The following GPR158 variants were observed in gnomAD, a reference collection of about 807,000 sequenced individuals.
The protein encoded by GPR158 is metabotropic glycine receptor.
Under a neutral mutation model 78.2 loss-of-function variants are expected in GPR158, and 30 were observed. The ratio of observed to expected loss-of-function variants is 0.38; its 90% CI spans 0.29 to 0.52. The LOEUF (loss-of-function observed/expected upper bound fraction) is 0.52. Among genes scored for constraint, GPR158 ranks in the 20% least tolerant of loss-of-function variants. GPR158 has a pLI of 0.83. For missense variants in GPR158, 1,463 were observed against 1,523.5 expected (o/e 0.96, Z 0.66); for synonymous variants, 581 against 591.1 (o/e 0.98, Z 0.25).
chr10:25,290,618 T>C (rs531773765), intron 2 of GPR158, among the ~76,000 whole-genome samples: 2 of 152,294 alleles, frequency 1.3e-5, no homozygotes, highest in Admixed American at 1.3e-4. Flanking sequence ...TAGGCCTTTG[T>C]CATTAGCAAT....
At chr10:25,463,398 G>A (rs1248829653) in intron 4 of GPR158, among the ~76,000 whole-genome samples, 1 of 35,224 alleles carries the variant, frequency 2.8e-5, no homozygotes, top group Non-Finnish European at 6.2e-5. Flanking sequence ...GGTTTGTCTG[G>A]ATGGATGGAT....
chr10:25,387,607 C>G (rs1834240176), intron 2 of GPR158, among the ~76,000 whole-genome samples: 1 of 151,622 alleles, frequency 6.6e-6, no homozygotes, highest in African/African-American at 2.4e-5. Context: ...CCTCCGCCTC[C>G]TGGGTTCAAG....
chr10:25,438,172 G>A (rs548923425), intron 4 of GPR158, among the ~76,000 whole-genome samples: 5 of 152,282 alleles, frequency 3.3e-5, no homozygotes, highest in East Asian at 3.9e-4. Context: ...TTGGAATAAC[G>A]TCACTTACTA....
At chr10:25,372,989 CACAT>C (rs1834021684) in intron 2 of GPR158, among the ~76,000 whole-genome samples, 1 of 151,862 alleles carries the variant, frequency 6.6e-6, no homozygotes, top group African/African-American at 2.4e-5. Flanking sequence ...GTCATAAAAA[CACAT>C]GCATGCCTAT....
intron 4 of GPR158, among the ~76,000 whole-genome samples, chr10:25,438,269 A>C (rs547496021): frequency 6.6e-6 from 1 of 152,338 alleles, no homozygotes; most frequent in African/African-American, 2.4e-5. Flanking sequence ...GATGAAGTTC[A>C]AGTGCACTTA....
chr10:25,551,057 T>C lies in GPR158; in HGVS notation c.1486T>C (p.Tyr496His). 6.3e-7 allele frequency: 1 copy of C among 1,597,842 alleles called. No homozygotes were observed. The highest frequency in any genetic ancestry group is 8.6e-7 in the Non-Finnish European group (1 of 1,165,184). Residue 496 changes from tyrosine to histidine, a missense_variant, in exon 6 of 11, where the codon TAC becomes CAC. Physicochemically the swap from Tyr to His is moderately conservative, Grantham distance 83. Transcript: ENST00000376351. ...TCGTCTTCTCGGTTTTGCTACTGTT[T>C]ACGGAACTGTCACTCTCAAACTTCA... is the stretch of plus-strand genomic sequence containing the variant. ...WARLLGFATV[Y>H]GTVTLKLHRV...
Position 25,600,953 on chromosome 10 carries a change from C to T in GPR158, c.*1679C>T, listed in dbSNP as rs569767423. 8 of 152,268 alleles carry T rather than the reference C, an allele frequency of 5.3e-5. No homozygotes were observed. In the East Asian group the frequency reaches 1.5e-3, roughly 29 times the overall value. 9.4% of individuals were successfully genotyped at this position (152,268 alleles called of 1,614,324 possible). On this transcript the variant is annotated 3_prime_UTR_variant, in exon 11 of 11. Transcript: ENST00000376351. ...AAAGAAGAATCACTCAGAAATAGAA[C>T]CGAGACTTCCCTTTTTCTCCCTGTA... is the stretch of plus-strand genomic sequence containing the variant.
At chr10:25,422,056 G>A (rs1003184448) in intron 4 of GPR158, among the ~76,000 whole-genome samples, 1 of 152,110 alleles carries the variant, frequency 6.6e-6, no homozygotes, top group East Asian at 1.9e-4. Context: ...CAAGTCGTTT[G>A]TTCAGTAAAT....
intron 2 of GPR158, among the ~76,000 whole-genome samples, chr10:25,252,372 TGGA>T (rs1853817304): frequency 6.6e-6 from 1 of 152,350 alleles, no homozygotes; most frequent in African/African-American, 2.4e-5. Context: ...TGCGTTCCTT[TGGA>T]GGAGGAGAGG....
chr10:25,302,319 C>T (rs1416580507), intron 2 of GPR158, among the ~76,000 whole-genome samples: 6 of 151,376 alleles, frequency 4.0e-5, no homozygotes, highest in Non-Finnish European at 7.4e-5. Flanking sequence ...CTCCTGACTT[C>T]ACAATCCGCC....
intron 5 of GPR158, among the ~76,000 whole-genome samples, chr10:25,542,233 C>A (rs1485983371): frequency 6.6e-6 from 1 of 152,070 alleles, no homozygotes; most frequent in Non-Finnish European, 1.5e-5. Flanking sequence ...CAACCAGTTT[C>A]ACTGAACTGA....
chr10:25,289,537 A>G lies in GPR158; in HGVS notation c.1008+68380A>G, dbSNP rs535152095. ...AAGCTCTGCCTCCTGGGTTCACCCC[A>G]TTCTCCTGCCTCAGCCTCCCGAGTA... On this transcript the variant is annotated intron_variant, in intron 2 of 10. Transcript: ENST00000376351. 2.4e-4 allele frequency among the ~76,000 whole-genome samples: 36 copies of G among 152,032 alleles called. 1 individual carries two copies. The South Asian group carries it at 7.5e-3, about 32-fold the overall frequency.
chr10:25,454,402 T>C (rs1045999988), intron 4 of GPR158, among the ~76,000 whole-genome samples: 1 of 152,212 alleles, frequency 6.6e-6, no homozygotes, highest in African/African-American at 2.4e-5. Flanking sequence ...ATATTCTTTT[T>C]CTTTATAAGA....
At chr10:25,419,244 A>G (rs1293725692) in intron 4 of GPR158, among the ~76,000 whole-genome samples, 1 of 152,150 alleles carries the variant, frequency 6.6e-6, no homozygotes, top group Non-Finnish European at 1.5e-5. Flanking sequence ...GGAATCGTAT[A>G]ATATTTATTC....
chr10:25,417,694 G>C (rs142116427), intron 4 of GPR158, among the ~76,000 whole-genome samples: 1 of 152,144 alleles, frequency 6.6e-6, no homozygotes, highest in East Asian at 1.9e-4. Flanking sequence ...TGAACCTGGG[G>C]ATAGAATGCC....
intron 2 of GPR158, among the ~76,000 whole-genome samples, chr10:25,389,501 G>A (rs1834265379): frequency 6.6e-6 from 1 of 152,176 alleles, no homozygotes; most frequent in Non-Finnish European, 1.5e-5. Flanking sequence ...CCCCACTGCA[G>A]ATCTCCTCTG....
At chr10:25,272,917 A>G (rs1183426548) in intron 2 of GPR158, among the ~76,000 whole-genome samples, 1 of 152,228 alleles carries the variant, frequency 6.6e-6, no homozygotes, top group East Asian at 1.9e-4. Flanking sequence ...TAGAATTATA[A>G]GTGAACCCCA....
At chr10:25,233,628 C>T (rs911620784) in intron 2 of GPR158, among the ~76,000 whole-genome samples, 1 of 152,176 alleles carries the variant, frequency 6.6e-6, no homozygotes, top group Admixed American at 6.5e-5. Flanking sequence ...TAAAATATGT[C>T]TGTATAATGC....
chr10:25,195,828 T>G (rs1588729005), intron 1 of GPR158, among the ~76,000 whole-genome samples: 2 of 152,202 alleles, frequency 1.3e-5, no homozygotes, highest in African/African-American at 4.8e-5. Flanking sequence ...TAACTGTTAG[T>G]CAGAATACAG....
Sources: gnomAD v4.1 joint callset for allele counts (sites outside exome capture counted in the v4.1 genomes callset) on GRCh38, gnomAD v4.1.1 for gene constraint, MANE v1.5 for transcripts, NCBI Gene and HGNC (gene_info 2026-07-23, HGNC 2026-07-21) for gene names.